TMEM163: variants seen among roughly 807,000 people sequenced by gnomAD.
TMEM163 encodes the protein transmembrane protein 163.
In TMEM163, 17 loss-of-function variants were observed where a neutral mutation model predicts 29.3. That is an observed-to-expected ratio of 0.58 (90% confidence interval 0.40 to 0.87). The LOEUF (loss-of-function observed/expected upper bound fraction) is 0.87, where lower values mean the gene tolerates loss of function less well. Ranked by LOEUF, TMEM163 falls within the 40% of genes least tolerant of loss-of-function variation. The pLI is 0.00. For synonymous variants in TMEM163, 157 were observed against 160.6 expected (o/e 0.98, Z 0.17); for missense variants, 303 against 381.5 (o/e 0.79, Z 1.71).
intron 4 of TMEM163, among the ~76,000 whole-genome samples, chr2:134,541,429 A>G (rs963906847): frequency 6.6e-6 from 1 of 152,262 alleles, no homozygotes; most frequent in Admixed American, 6.5e-5. Flanking sequence ...CTGGTCGTCA[A>G]AATTATGTAA....
chr2:134,513,812 T>C (rs1346109862), intron 4 of TMEM163, among the ~76,000 whole-genome samples: 1 of 152,060 alleles, frequency 6.6e-6, no homozygotes, highest in Non-Finnish European at 1.5e-5. Context: ...TCAGACACTC[T>C]CCCTGGACTT....
intron 2 of TMEM163, among the ~76,000 whole-genome samples, chr2:134,694,175 A>T (rs1684532155): frequency 6.6e-6 from 1 of 152,240 alleles, no homozygotes; most frequent in Non-Finnish European, 1.5e-5. Context: ...GTGCTTGCTA[A>T]GTGTTAGCTA....
At chr2:134,492,289 T>C (rs962345652) in intron 5 of TMEM163, among the ~76,000 whole-genome samples, 2 of 152,194 alleles carry the variant, frequency 1.3e-5, no homozygotes, top group Non-Finnish European at 2.9e-5. Flanking sequence ...CTGAGCAGAA[T>C]TGCTATTTGG....
chr2:134,535,717 G>GTTTT (rs59227102), intron 4 of TMEM163, among the ~76,000 whole-genome samples: 47 of 142,516 alleles, frequency 3.3e-4, no homozygotes, highest in African/African-American at 1.2e-3. Context: ...TATTTGTATG[G>GTTTT]TTTTTTTTTT....
rs57488299 is a variant in TMEM163, at chr2:134,632,909, A to ATT, written c.322+80289_322+80290dup. Among the ~76,000 whole-genome samples the ATT allele has an allele frequency of 6.6e-3, 783 of 118,590 alleles. 13 individuals carry two copies. The highest frequency in any genetic ancestry group is 0.019 in the African/African-American group (585 of 30,636). 77.8% of individuals were successfully genotyped at this position (118,590 alleles called of 152,430 possible). ...AGGCACCCGCCACCACACCCAGCTAATTTTTTTTTTTTTTTTTTTTTTGTA... is the reference window on the plus strand; with the variant it reads ...AGGCACCCGCCACCACACCCAGCTAATTTTTTTTTTTTTTTTTTTTTTTTGTA... On this transcript the variant is annotated intron_variant, in intron 2 of 7. Coordinates refer to ENST00000281924, the MANE Select transcript of TMEM163 (RefSeq NM_030923.5).
intron 2 of TMEM163, among the ~76,000 whole-genome samples, chr2:134,679,582 G>C (rs1684186809): frequency 6.6e-6 from 1 of 152,172 alleles, no homozygotes; most frequent in African/African-American, 2.4e-5. Context: ...TTGTAAGTAA[G>C]TGCTTGCAAA....
intron 4 of TMEM163, among the ~76,000 whole-genome samples, chr2:134,549,352 G>A (rs1350411176): frequency 2.0e-5 from 3 of 152,148 alleles, no homozygotes; most frequent in Non-Finnish European, 2.9e-5. Context: ...CCATTCAAGA[G>A]TACTTTCTTG....
chr2:134,647,799 T>A (rs1300244545), intron 2 of TMEM163, among the ~76,000 whole-genome samples: 1 of 152,200 alleles, frequency 6.6e-6, no homozygotes, highest in East Asian at 1.9e-4. Flanking sequence ...TCCCACTGTG[T>A]TCCACCCCTC....
At chr2:134,670,167 T>C (rs900260373) in intron 2 of TMEM163, among the ~76,000 whole-genome samples, 31 of 152,180 alleles carry the variant, frequency 2.0e-4, no homozygotes, top group African/African-American at 7.2e-4. Context: ...AATAGCAATT[T>C]ACCTCCTCCA....
chr2:134,589,950 A>G (rs1473724041), intron 2 of TMEM163, among the ~76,000 whole-genome samples: 4 of 152,148 alleles, frequency 2.6e-5, no homozygotes, highest in Non-Finnish European at 2.9e-5. Flanking sequence ...CCTCCCACCC[A>G]GTCCTCAAGA....
chr2:134,715,543 T>C (rs1368830177), intron 1 of TMEM163, among the ~76,000 whole-genome samples: 1 of 152,018 alleles, frequency 6.6e-6, no homozygotes, highest in Non-Finnish European at 1.5e-5. Context: ...TTTGCTTATT[T>C]TCTGCTGATT....
rs570723397 is a variant in TMEM163, at chr2:134,582,316, G to A, written c.323-30225C>T. Among the ~76,000 whole-genome samples the A allele has an allele frequency of 3.3e-5, 5 of 152,290 alleles. No homozygotes were observed. The South Asian group carries it at 6.2e-4, about 19-fold the overall frequency. ...AGGTGGGGGAAGGTCAGTATGGTAG[G>A]TGCACCTAATAGCAATAACTTAAGA... On this transcript the variant is annotated intron_variant, in intron 2 of 7. Transcript: ENST00000281924.
chr2:134,592,004 A>C (rs57736599), intron 2 of TMEM163, among the ~76,000 whole-genome samples: 1 of 152,118 alleles, frequency 6.6e-6, no homozygotes. Context: ...AAGAGGTCCC[A>C]AGAATTGGTT....
intron 5 of TMEM163, among the ~76,000 whole-genome samples, chr2:134,494,417 T>C (rs1679500151): frequency 6.6e-6 from 1 of 152,240 alleles, no homozygotes; most frequent in Non-Finnish European, 1.5e-5. Flanking sequence ...CTTGACAGCA[T>C]GTCATACTAG....
At chr2:134,678,987 T>C (rs185199393) in intron 2 of TMEM163, among the ~76,000 whole-genome samples, 7 of 152,268 alleles carry the variant, frequency 4.6e-5, no homozygotes, top group African/African-American at 1.7e-4. Context: ...TGTATGAAAA[T>C]AATGGATTTG....
At chr2:134,503,103 G>T (rs1679736075) in intron 4 of TMEM163, 106 bp from the exon 5 acceptor site, 12 of 1,154,610 alleles carry the variant, frequency 1.0e-5, no homozygotes, top group Non-Finnish European at 1.4e-5. Flanking sequence ...GAACTCAATT[G>T]TAATTTGCCA....
chr2:134,486,287 C>T (rs919284372), intron 5 of TMEM163, among the ~76,000 whole-genome samples: 1 of 152,114 alleles, frequency 6.6e-6, no homozygotes, highest in African/African-American at 2.4e-5. Flanking sequence ...TACCCACCCC[C>T]AAAACCGAAT....
At chr2:134,531,667 T>A (rs1558935812) in intron 4 of TMEM163, among the ~76,000 whole-genome samples, 1 of 152,182 alleles carries the variant, frequency 6.6e-6, no homozygotes, top group Non-Finnish European at 1.5e-5. Context: ...AAGGGATGCA[T>A]GGAGCAAGGC....
chr2:134,647,777 C>T (rs1397062898), intron 2 of TMEM163, among the ~76,000 whole-genome samples: 1 of 152,218 alleles, frequency 6.6e-6, no homozygotes, highest in Non-Finnish European at 1.5e-5. Context: ...GGGGCGGACT[C>T]CACTCATTCA....
Sources: allele counts gnomAD v4.1 joint callset (sites outside exome capture counted in the v4.1 genomes callset), GRCh38; gene constraint gnomAD v4.1.1; transcripts MANE v1.5; gene names NCBI Gene and HGNC (gene_info 2026-07-23, HGNC 2026-07-21).